ASIC4: variants seen among roughly 807,000 people sequenced by gnomAD.
The protein encoded by ASIC4 is acid sensing ion channel subunit family member 4.
In ASIC4, 28 loss-of-function variants were observed where a neutral mutation model predicts 53.4. That is an observed-to-expected ratio of 0.52 (90% confidence interval 0.39 to 0.72). ASIC4 has a LOEUF of 0.72. ASIC4 is among the 30% of genes least tolerant of loss of function. ASIC4 has a pLI of 0.00. For synonymous variants in ASIC4, 289 were observed against 301.4 expected, an observed-to-expected ratio of 0.96 and a Z score of 0.43; for missense variants, 649 against 729.7, an observed-to-expected ratio of 0.89 and a Z score of 1.27.
intron 1 of ASIC4, among the ~76,000 whole-genome samples, chr2:219,530,928 T>C (rs1219311029): frequency 2.0e-5 from 3 of 152,142 alleles, no homozygotes; most frequent in Admixed American, 2.0e-4. Flanking sequence ...CACTGTGGAC[T>C]GGGCACCATG....
chr2:219,515,101 C>G lies in ASIC4; in HGVS notation c.377C>G (p.Ser126Trp). The G allele has an allele frequency of 6.2e-7, 1 of 1,614,050 alleles. No homozygotes were observed. The highest frequency in any genetic ancestry group is 8.5e-7 in the Non-Finnish European group (1 of 1,180,012). ...TGCAATATCAACCGCTTCCGGCATT[C>G]GGCACTCAGCGATGCCGACATCTTC... is the stretch of plus-strand genomic sequence containing the variant. ...TLCNINRFRH[S>W]ALSDADIFHL... is the part of the protein sequence containing the mutation. The change falls in exon 1 of 10, where the codon TCG becomes TGG. Residue 126 changes from serine to tryptophan, a missense_variant. Transcript: ENST00000358078.
At chr2:219,513,129 T>A (rs1295540932), upstream of ASIC4, among the ~76,000 whole-genome samples, 2 of 152,180 alleles carry the variant, frequency 1.3e-5, no homozygotes, top group African/African-American at 4.8e-5. Flanking sequence ...CCTTTCTCAC[T>A]TTTTTTCTCA....
In ASIC4 at chr2:219,517,094, A is replaced by C. The variant is rs2125655108; in HGVS notation, c.582+1788A>C. On this transcript the variant is annotated intron_variant, in intron 1 of 9. Transcript: ENST00000358078. This position sits in a 1 kb window ranked among gnomAD's most constrained non-coding sequence, Gnocchi z 4.2. The stretch of plus-strand genomic sequence containing the variant: ...TGGGATCTTTGTGTCCCCGAGCGGG[A>C]GTTGGGGGTGGGCAGGAAAGGGGAA... 1 of 151,564 alleles carries C rather than the reference A, an allele frequency of 6.6e-6. No homozygotes were observed. Among genetic ancestry groups the C allele is most frequent in the Non-Finnish European group, 1.5e-5 (1 of 67,988 alleles). 9.4% of individuals were successfully genotyped at this position (151,564 alleles called of 1,614,324 possible). A position where few individuals can be genotyped will look rare whatever the true frequency, so the allele number is the denominator to read the frequency against.
intron 1 of ASIC4, among the ~76,000 whole-genome samples, chr2:219,528,536 G>T (rs144751790): frequency 0.05 from 7,471 of 150,588 alleles, 562 homozygotes; most frequent in African/African-American, 0.17. Context: ...ACTTTTTGTT[G>T]TTGTTGTTGT....
chr2:219,532,483 C>G lies in ASIC4; in HGVS notation c.1018+6C>G. On this transcript the variant is annotated splice_donor_region_variant and intron_variant, in intron 4 of 9. Transcript: ENST00000358078. ...CCGGATGGTGCACATGCCAGGTGGG[C>G]ACCCCACCCCCAGCCAGCCCTCCAT... The G allele has an allele frequency of 6.2e-7, 1 of 1,603,932 alleles. No homozygotes were observed. Among genetic ancestry groups the G allele is most frequent in the Non-Finnish European group, 8.5e-7 (1 of 1,173,342 alleles).
Position 219,535,249 on chromosome 2 carries a change from C to G in ASIC4, c.1154C>G (p.Ser385Cys). The part of the protein sequence containing the change: ...CNLTRYGKEI[S>C]MVRIPNRGSA... Reference sequence around the variant, plus strand: ...CTGACACGCTATGGGAAAGAGATCTCCATGGTCAGGATCCCCAACAGGGGC... The same window carrying G: ...CTGACACGCTATGGGAAAGAGATCTGCATGGTCAGGATCCCCAACAGGGGC... The change falls in exon 6 of 10, where the codon TCC (serine) becomes TGC (cysteine). Residue 385 changes from serine (S) to cysteine (C), a missense_variant. Ser to Cys is a moderately radical substitution (Grantham distance 112). Transcript: ENST00000358078. 1 of 1,614,032 alleles carries G rather than the reference C, an allele frequency of 6.2e-7. No individual in the cohort carries two copies. Among genetic ancestry groups the G allele is most frequent in the Non-Finnish European group, 8.5e-7 (1 of 1,179,972 alleles).
chr2:219,524,573 C>T (rs1042639677), intron 1 of ASIC4, among the ~76,000 whole-genome samples: 5 of 152,254 alleles, frequency 3.3e-5, no homozygotes, highest in South Asian at 2.1e-4. Flanking sequence ...CTATGATTTA[C>T]GTACATTCTG....
chr2:219,530,333 C>T lies in ASIC4; in HGVS notation c.583-1425C>T, dbSNP rs149063909. 3.7e-3 allele frequency among the ~76,000 whole-genome samples: 558 copies of T among 152,390 alleles called. 1 individual carries two copies. Among genetic ancestry groups the T allele is most frequent in the African/African-American group, 0.013 (535 of 41,596 alleles). ...CCAGCGGGAGCCTGGGCTTCCATCT[C>T]CGGGGCGCCAGCGCCATCTGCTGTC... On this transcript the variant is annotated intron_variant, in intron 1 of 9. Transcript: ENST00000358078.
Position 219,537,362 on chromosome 2 carries a change from G to A in ASIC4, c.1401+41G>A. Reference sequence around the variant, plus strand: ...AAGGCAGGGTGGGAGTGGGGGCCGTGGGCAAAGCAGAAGGGGGCAGTGCGG... The same window carrying A: ...AAGGCAGGGTGGGAGTGGGGGCCGTAGGCAAAGCAGAAGGGGGCAGTGCGG... On this transcript the variant is annotated intron_variant, in intron 8 of 9. Coordinates refer to ENST00000358078, the MANE Select transcript of ASIC4 (RefSeq NM_018674.6). This position sits in a 1 kb window ranked among gnomAD's most constrained non-coding sequence, Gnocchi z 4.9. 6.3e-7 allele frequency: 1 copy of A among 1,585,254 alleles called. No homozygotes were observed. The highest frequency in any genetic ancestry group is 8.6e-7 in the Non-Finnish European group (1 of 1,164,554).
At chr2:219,533,420 G>T in intron 5 of ASIC4, 1 of 180,376 alleles carries the variant, frequency 5.5e-6, no homozygotes, top group South Asian at 1.4e-4. Flanking sequence ...TGAGAGTGGG[G>T]GCGACAGCCC....
chr2:219,525,731 G>C (rs1400958524), intron 1 of ASIC4, among the ~76,000 whole-genome samples: 1 of 152,192 alleles, frequency 6.6e-6, no homozygotes, highest in East Asian at 1.9e-4. Flanking sequence ...CCTGGGAGCT[G>C]TTCCACCCCA....
chr2:219,526,998 G>A (rs963390061), intron 1 of ASIC4, among the ~76,000 whole-genome samples: 2 of 152,176 alleles, frequency 1.3e-5, no homozygotes, highest in Non-Finnish European at 2.9e-5. Context: ...CCTGGCCCAC[G>A]ACCTTCCCCT....
At chr2:219,530,317 G>A (rs776026410) in intron 1 of ASIC4, among the ~76,000 whole-genome samples, 3 of 152,270 alleles carry the variant, frequency 2.0e-5, no homozygotes, top group African/African-American at 7.2e-5. Flanking sequence ...CCCAGCGGGA[G>A]CCTGGGCTTC....
intron 1 of ASIC4, among the ~76,000 whole-genome samples, chr2:219,524,088 G>A (rs1452859548): frequency 6.6e-6 from 1 of 152,180 alleles, no homozygotes; most frequent in African/African-American, 2.4e-5. Context: ...CTCCTAAAGT[G>A]CCGGGATTAC....
intron 4 of ASIC4, 156 bp downstream of exon 4, chr2:219,532,633 C>A: frequency 9.2e-7 from 1 of 1,089,158 alleles, no homozygotes; most frequent in Non-Finnish European, 1.3e-6. Flanking sequence ...GATTTTTAAA[C>A]ATGGTTTCAC....
chr2:219,514,352 C>CGGA, upstream of ASIC4: 1 of 1,545,562 alleles, frequency 6.5e-7, no homozygotes, highest in Non-Finnish European at 8.7e-7. Context: ...ACATGCTGAG[C>CGGA]GGAGCGGCTG....
chr2:219,529,949 C>T (rs1175169520), intron 1 of ASIC4, among the ~76,000 whole-genome samples: 1 of 151,926 alleles, frequency 6.6e-6, no homozygotes, highest in Admixed American at 6.5e-5. Flanking sequence ...CACCCTGCCC[C>T]CTAGGAGGTC....
intron 1 of ASIC4, among the ~76,000 whole-genome samples, chr2:219,519,711 G>A (rs1208245351): frequency 4.6e-5 from 7 of 152,234 alleles, no homozygotes; most frequent in South Asian, 2.1e-4. Flanking sequence ...ATAGGCTGCC[G>A]TGTTGGACAG....
upstream of ASIC4, among the ~76,000 whole-genome samples, chr2:219,513,798 G>A (rs1694732738): frequency 6.6e-6 from 1 of 152,256 alleles, no homozygotes; most frequent in South Asian, 2.1e-4. Flanking sequence ...AAATGAGGGT[G>A]AGGGCAGCCA....
Sources: gnomAD v4.1 joint callset for allele counts (sites outside exome capture counted in the v4.1 genomes callset) on GRCh38, gnomAD v4.1.1 for gene constraint, Gnocchi (gnomAD v3.1) non-coding constraint, MANE v1.5 for transcripts, NCBI Gene and HGNC (gene_info 2026-07-23, HGNC 2026-07-21) for gene names.